Variants in HSF1 observed in about 807,000 individuals in gnomAD.
HSF1 encodes the protein heat shock transcription factor 1.
Under a neutral mutation model 51.7 loss-of-function variants are expected in HSF1, and 32 were observed. The observed-to-expected ratio is 0.62, with a 90% CI of 0.47 to 0.83. The LOEUF is 0.83. Ranked by LOEUF, HSF1 falls within the 40% of genes least tolerant of loss-of-function variation. HSF1 has a pLI of 0.00. For synonymous variants in HSF1, 396 were observed against 309.7 expected, an observed-to-expected ratio of 1.28 and a Z score of -2.92; for missense variants, 727 against 717.0, an observed-to-expected ratio of 1.01 and a Z score of -0.16.
At chr8:144,308,431 G>GTT (rs1816370370) in intron 1 of HSF1, among the ~76,000 whole-genome samples, 1 of 152,246 alleles carries the variant, frequency 6.6e-6, no homozygotes, top group African/African-American at 2.4e-5. Flanking sequence ...GAACGCGACT[G>GTT]TGTTTTCCTC....
chr8:144,312,421 C>G (rs931163658), intron 9 of HSF1, among the ~76,000 whole-genome samples, 177 bp downstream of exon 9: 5 of 152,156 alleles, frequency 3.3e-5, no homozygotes, highest in Non-Finnish European at 7.4e-5. Context: ...CCCACAGTCC[C>G]AAACGCCACA....
At chr8:144,301,182 G>A (rs1265676149) in intron 1 of HSF1, among the ~76,000 whole-genome samples, 2 of 152,338 alleles carry the variant, frequency 1.3e-5, no homozygotes, top group East Asian at 3.9e-4. Context: ...ACTCTGGGAG[G>A]CTGACATGGG....
At chr8:144,309,120 C>A in intron 2 of HSF1, 106 bp downstream of exon 2, 4 of 925,064 alleles carry the variant, frequency 4.3e-6, no homozygotes, top group South Asian at 1.4e-5. Flanking sequence ...CCTGTGCTGG[C>A]CAAGGGCATG....
chr8:144,291,975 C>T lies in HSF1; in HGVS notation c.117+101C>T. The T allele has an allele frequency of 1.8e-6, 1 of 564,832 alleles. No individual in the cohort carries two copies. 35.0% of individuals were successfully genotyped at this position (564,832 alleles called of 1,614,324 possible). A position where few individuals can be genotyped will look rare whatever the true frequency, so the allele number is the denominator to read the frequency against. ...TGCGGGGAGGGGCCCTGCCGCACTT[C>T]AGCTTACGCGCGGTGAGCCTGCCCT... is the stretch of plus-strand genomic sequence containing the variant. On this transcript the variant is annotated intron_variant, in intron 1 of 12. Coordinates refer to ENST00000528838, the MANE Select transcript of HSF1 (RefSeq NM_005526.4). The surrounding 1 kb of genome is among the most constrained non-coding windows in gnomAD (Gnocchi z 4.1).
At chr8:144,308,870 C>G (rs782479070) in intron 1 of HSF1, 36 bp from the exon 2 acceptor site, 5 of 1,560,330 alleles carry the variant, frequency 3.2e-6, no homozygotes, top group Non-Finnish European at 4.4e-6. Context: ...TGCCCCTCAC[C>G]ACCACGCGTG....
rs201488133 is a variant in HSF1 at position 144,311,970 on chromosome 8, T to C, written c.868T>C (p.Ser290Pro). 4.6e-4 allele frequency: 738 copies of C among 1,587,576 alleles called. 1 individual carries two copies. In the African/African-American group the frequency reaches 9.4e-3, roughly 20 times the overall value. ...GGCCCCCCTCGTGTGCAGGCCCCTA[T>C]CCAGCAGCCCCCTGGTGCGTGTCAA... ...PGGSIDERPL[S>P]SSPLVRVKEE... is the part of the protein sequence containing the mutation. The change falls in exon 9 of 13, where the codon TCC becomes CCC. Residue 290 changes from serine to proline, a missense_variant. By Grantham distance (74) the Ser-to-Pro change is moderately conservative. Coordinates refer to ENST00000528838, the MANE Select transcript of HSF1 (RefSeq NM_005526.4).
rs1817006335 is a variant in HSF1 at position 144,313,864 on chromosome 8, A to ACCGTGC, written c.1271_1276dup (p.Val424_Pro425dup). 2 of 1,594,916 alleles carry ACCGTGC rather than the reference A, an allele frequency of 1.3e-6. No individual in the cohort carries two copies. The highest frequency in any genetic ancestry group is 2.9e-5 in the African/African-American group (2 of 69,038). On this transcript the variant is annotated inframe_insertion, in exon 11 of 13. Transcript: ENST00000528838. ...TCCGCAGCTGTTCAGCCCCTCGGTGACCGTGCCCGACATGAGCCTGCCTGA... is the reference window on the plus strand; with the variant it reads ...TCCGCAGCTGTTCAGCCCCTCGGTGACCGTGCCCGTGCCCGACATGAGCCTGCCTGA...
intron 2 of HSF1, 155 bp from the exon 3 acceptor site, chr8:144,309,300 C>A: frequency 9.6e-7 from 1 of 1,037,636 alleles, no homozygotes; most frequent in East Asian, 2.5e-5. Context: ...TCCCTTAGAC[C>A]AAGGCCACTC....
At position 144,312,187 on chromosome 8, in the gene HSF1, C is replaced by A; in HGVS notation, c.1085C>A (p.Pro362His). 1 of 1,504,762 alleles carries A rather than the reference C, an allele frequency of 6.6e-7. No homozygotes were observed. The highest frequency in any genetic ancestry group is 9.2e-7 in the Non-Finnish European group (1 of 1,087,546). The allele number at this position is 1,504,762 out of a possible 1,614,324, so 93.2% of individuals were successfully genotyped here. A position where few individuals can be genotyped will look rare whatever the true frequency, so the allele number is the denominator to read the frequency against. The change falls in exon 9 of 13, where the codon CCC (proline) becomes CAC (histidine). Residue 362 changes from proline to histidine, a missense_variant. Physicochemically the swap from Pro to His is moderately conservative, Grantham distance 77. This residue lies in a region of HSF1 where 470 missense variants were observed against 398.8 expected (regional missense o/e 1.18). Coordinates refer to ENST00000528838, the MANE Select transcript of HSF1 (RefSeq NM_005526.4). ...CACACGGACACCGAGGGCCGGCCTC[C>A]CTCCCCCCCGCCCACCTCCACCCCT... is the stretch of plus-strand genomic sequence containing the variant. ...RGHTDTEGRP[P>H]SPPPTSTPEK...
chr8:144,314,121 G>T lies in HSF1; in HGVS notation c.1385-4G>T. On this transcript the variant is annotated splice_polypyrimidine_tract_variant and splice_region_variant and intron_variant, in intron 12 of 12. Coordinates refer to ENST00000528838, the MANE Select transcript of HSF1 (RefSeq NM_005526.4). Reference sequence around the variant, plus strand: ...CCACCGCCTTGACACCCCCACCCCCGCAGGGAAGCAGCTGGTGCACTACAC... The same window carrying T: ...CCACCGCCTTGACACCCCCACCCCCTCAGGGAAGCAGCTGGTGCACTACAC... 8.6e-6 allele frequency: 3 copies of T among 349,140 alleles called. No homozygotes were observed. The highest frequency in any genetic ancestry group is 1.1e-5 in the Non-Finnish European group (3 of 272,422). The allele number at this position is 349,140 out of a possible 1,614,324, so 21.6% of individuals were successfully genotyped here. A position where few individuals can be genotyped will look rare whatever the true frequency, so the allele number is the denominator to read the frequency against.
chr8:144,291,687 G>A lies in HSF1; in HGVS notation c.-71G>A, dbSNP rs1210427189. ...CGGCGCGGCCCGGAAGGCTGGCGCG[G>A]CGACGGCGTTAGCCCGGCCCTCGGC... On this transcript the variant is annotated 5_prime_UTR_variant, in exon 1 of 13. Coordinates refer to ENST00000528838, the MANE Select transcript of HSF1 (RefSeq NM_005526.4). The surrounding 1 kb of genome is among the most constrained non-coding windows in gnomAD (Gnocchi z 4.1). The A allele has an allele frequency of 3.4e-6, 3 of 894,376 alleles. No individual in the cohort carries two copies. Among genetic ancestry groups the A allele is most frequent in the Non-Finnish European group, 4.8e-6 (3 of 622,782 alleles). 55.4% of individuals were successfully genotyped at this position (894,376 alleles called of 1,614,324 possible). A position where few individuals can be genotyped will look rare whatever the true frequency, so the allele number is the denominator to read the frequency against.
chr8:144,300,280 A>G (rs1260635436), intron 1 of HSF1, among the ~76,000 whole-genome samples: 4 of 139,210 alleles, frequency 2.9e-5, no homozygotes, highest in Admixed American at 2.5e-4. Context: ...GCAGTGGCAC[A>G]ATCTCGGCTC....
chr8:144,302,505 T>TA lies in HSF1; in HGVS notation c.118-6391dup, dbSNP rs1215344639. ...CTGGGCAGTGGAGCGAGACTCCATC[T>TA]AAAAAAAAAAGATAATAATAATAAT... On this transcript the variant is annotated intron_variant, in intron 1 of 12. Transcript: ENST00000528838. 1.9e-3 allele frequency among the ~76,000 whole-genome samples: 266 copies of TA among 139,232 alleles called. 1 individual carries two copies. The highest frequency in any genetic ancestry group is 6.4e-3 in the East Asian group (30 of 4,654). The allele number at this position is 139,232 out of a possible 152,430, so 91.3% of individuals were successfully genotyped here. A position where few individuals can be genotyped will look rare whatever the true frequency, so the allele number is the denominator to read the frequency against.
At chr8:144,298,707 C>T (rs1554841768) in intron 1 of HSF1, among the ~76,000 whole-genome samples, 1 of 152,328 alleles carries the variant, frequency 6.6e-6, no homozygotes, top group Admixed American at 6.5e-5. Flanking sequence ...TGCAGAGAAC[C>T]CAACAAACCC....
intron 2 of HSF1, 58 bp from the exon 3 acceptor site, chr8:144,309,397 C>T: frequency 6.8e-6 from 11 of 1,605,850 alleles, no homozygotes; most frequent in Non-Finnish European, 9.4e-6. Context: ...AGTGGCCGCT[C>T]TTCAGGGGTT....
At chr8:144,293,095 A>G (rs1013494756) in intron 1 of HSF1, among the ~76,000 whole-genome samples, 1 of 152,224 alleles carries the variant, frequency 6.6e-6, no homozygotes, top group East Asian at 1.9e-4. Flanking sequence ...AGTGCCTCCC[A>G]TTTGCACAGC....
Position 144,291,937 on chromosome 8 carries a change from G to A in HSF1, c.117+63G>A, listed in dbSNP as rs1815114970. On this transcript the variant is annotated intron_variant, in intron 1 of 12. Coordinates refer to ENST00000528838, the MANE Select transcript of HSF1 (RefSeq NM_005526.4). The surrounding 1 kb of genome is among the most constrained non-coding windows in gnomAD (Gnocchi z 4.1). ...GGGAGGGAGCAGGGCCGCGGCGGACGGCGCGGGAGGGCTGCGGGGAGGGGC... is the reference window on the plus strand; with the variant it reads ...GGGAGGGAGCAGGGCCGCGGCGGACAGCGCGGGAGGGCTGCGGGGAGGGGC... 4 of 844,694 alleles carry A rather than the reference G, an allele frequency of 4.7e-6. No homozygotes were observed. Among genetic ancestry groups the A allele is most frequent in the Admixed American group, 4.3e-5 (1 of 23,224 alleles). The allele number at this position is 844,694 out of a possible 1,614,324, so 52.3% of individuals were successfully genotyped here. A position where few individuals can be genotyped will look rare whatever the true frequency, so the allele number is the denominator to read the frequency against.
chr8:144,296,821 A>AG (rs1554841391), intron 1 of HSF1, among the ~76,000 whole-genome samples: 1 of 144,296 alleles, frequency 6.9e-6, no homozygotes, highest in African/African-American at 2.5e-5. Context: ...AAAAAAAAAA[A>AG]GAAGGCACAC....
chr8:144,312,959 G>C (rs1816789663), intron 9 of HSF1: 2 of 571,298 alleles, frequency 3.5e-6, no homozygotes, highest in Non-Finnish European at 6.3e-6. Context: ...GTGTTGGCAG[G>C]ATCCAGACTG....
Sources: gnomAD v4.1 joint callset for allele counts (sites outside exome capture counted in the v4.1 genomes callset) on GRCh38, gnomAD v4.1.1 for gene constraint, gnomAD v4.1.1 regional missense constraint, Gnocchi (gnomAD v3.1) non-coding constraint, MANE v1.5 for transcripts, NCBI Gene and HGNC (gene_info 2026-07-23, HGNC 2026-07-21) for gene names.